ASAH2: variants seen among roughly 807,000 people sequenced by gnomAD.
The protein encoded by ASAH2 is N-acylsphingosine amidohydrolase 2.
In ASAH2, 58 loss-of-function variants were observed where a neutral mutation model predicts 82.9. That is an observed-to-expected ratio of 0.70 (90% CI 0.57 to 0.87). The LOEUF (loss-of-function observed/expected upper bound fraction) is 0.87, where lower values mean the gene tolerates loss of function less well. Ranked by LOEUF, ASAH2 falls within the 40% of genes least tolerant of loss-of-function variation. The pLI is 0.00. For missense variants in ASAH2, 779 were observed against 834.0 expected, an observed-to-expected ratio of 0.93 and a Z score of 0.81; for synonymous variants, 276 against 289.7, an observed-to-expected ratio of 0.95 and a Z score of 0.48.
rs1459515597 is a variant in ASAH2, at chr10:50,205,036, C to T, written c.1531-81G>A. The T allele has an allele frequency of 3.3e-6, 3 of 920,366 alleles. No homozygotes were observed. The African/African-American group carries it at 5.1e-5, about 16-fold the overall frequency. 57.0% of individuals were successfully genotyped at this position (920,366 alleles called of 1,614,324 possible). ...CAGACATATAGTGGTCCCAGAATTT[C>T]CTCTAGTTTCTAATTTATGATGTAG... On this transcript the variant is annotated intron_variant, in intron 13 of 20. Transcript: ENST00000682911.
At chr10:50,222,623 A>G (rs1392232072) in intron 7 of ASAH2, among the ~76,000 whole-genome samples, 1 of 152,158 alleles carries the variant, frequency 6.6e-6, no homozygotes, top group African/African-American at 2.4e-5. Context: ...CAGAAAATAA[A>G]CTGAACTTTT....
chr10:50,221,156 G>A (rs1401933846), intron 7 of ASAH2, among the ~76,000 whole-genome samples: 3 of 152,126 alleles, frequency 2.0e-5, no homozygotes. Context: ...TTTGCAAGGT[G>A]TTTACATTTA....
chr10:50,209,495 G>A (rs1437352165), intron 12 of ASAH2, among the ~76,000 whole-genome samples: 5 of 151,150 alleles, frequency 3.3e-5, no homozygotes, highest in Admixed American at 1.3e-4. Flanking sequence ...GACTACAGGC[G>A]TGCACCACCA....
intron 16 of ASAH2, among the ~76,000 whole-genome samples, chr10:50,201,249 C>T (rs1043483184): frequency 1.3e-5 from 2 of 152,044 alleles, no homozygotes; most frequent in Non-Finnish European, 1.5e-5. Flanking sequence ...TGTCTATTTG[C>T]AACCTGATTC....
At chr10:50,229,678 C>A (rs1408288862) in intron 7 of ASAH2, among the ~76,000 whole-genome samples, 1 of 152,176 alleles carries the variant, frequency 6.6e-6, no homozygotes, top group Non-Finnish European at 1.5e-5. Flanking sequence ...GACCTCTGCA[C>A]TCCAGCCACA....
At position 50,248,422 on chromosome 10, in the gene ASAH2, C is replaced by T. The variant is rs878859007; in HGVS notation, c.127+62G>A. ...ACACTGTTTTTCTCTTTGGTGTCCA[C>T]AGTAATCAAGAAGTTTCATACAGGC... On this transcript the variant is annotated intron_variant, in intron 2 of 20. Coordinates refer to ENST00000682911, the MANE Select transcript of ASAH2 (RefSeq NM_019893.4). 45 of 1,584,048 alleles carry T rather than the reference C, an allele frequency of 2.8e-5. No homozygotes were observed. The South Asian group carries it at 4.8e-4, about 17-fold the overall frequency.
intron 18 of ASAH2, among the ~76,000 whole-genome samples, chr10:50,195,804 A>G (rs1844961779): frequency 6.6e-6 from 1 of 151,886 alleles, no homozygotes; most frequent in Admixed American, 6.6e-5. Context: ...AGAAAGATAA[A>G]TACCACATGA....
chr10:50,223,070 T>C (rs964650674), intron 7 of ASAH2, among the ~76,000 whole-genome samples: 4 of 152,172 alleles, frequency 2.6e-5, no homozygotes, highest in South Asian at 2.1e-4. Context: ...AGTCAAGAGA[T>C]TGGGGACCTT....
At chr10:50,213,159 A>G (rs1845506261) in intron 9 of ASAH2, 101 bp from the exon 10 acceptor site, 1 of 1,084,318 alleles carries the variant, frequency 9.2e-7, no homozygotes, top group Non-Finnish European at 1.4e-6. Flanking sequence ...TTTTAAAACC[A>G]CATTCTTGCA....
chr10:50,217,301 C>T (rs1249905228), intron 8 of ASAH2, among the ~76,000 whole-genome samples: 2 of 148,924 alleles, frequency 1.3e-5, no homozygotes, highest in Non-Finnish European at 3.0e-5. Flanking sequence ...GATCTTGGCT[C>T]ACTACAACCT....
Position 50,202,889 on chromosome 10 carries a change from A to G in ASAH2, c.1701T>C (p.Val567=). ...FASHGMQNMT[V]VISGLCNVYT... is the part of the protein sequence containing the mutation. The stretch of plus-strand genomic sequence containing the variant: ...AGACGTTGCATAGACCTGAAATAAC[A>G]ACAGTCATGTTCTGCATCCCATGAG... Residue 567 remains valine (V), a synonymous_variant, in exon 16 of 21, where the codon GTT becomes GTC. Coordinates refer to ENST00000682911, the MANE Select transcript of ASAH2 (RefSeq NM_019893.4). 2 of 1,612,200 alleles carry G rather than the reference A, an allele frequency of 1.2e-6. No individual in the cohort carries two copies. Among genetic ancestry groups the G allele is most frequent in the East Asian group, 4.5e-5 (2 of 44,784 alleles).
intron 7 of ASAH2, among the ~76,000 whole-genome samples, chr10:50,223,354 C>T (rs1386327075): frequency 6.6e-6 from 1 of 152,058 alleles, no homozygotes; most frequent in East Asian, 1.9e-4. Flanking sequence ...CAAGCTGTGC[C>T]CTGTACAAAG....
At chr10:50,199,330 C>T (rs1329339064) in intron 16 of ASAH2, among the ~76,000 whole-genome samples, 184 bp from the exon 17 acceptor site, 1 of 151,890 alleles carries the variant, frequency 6.6e-6, no homozygotes, top group Non-Finnish European at 1.5e-5. Flanking sequence ...TAAGTGACTC[C>T]TATGGACTAC....
Position 50,195,006 on chromosome 10 carries a change from C to A in ASAH2, c.2004+1767G>T, listed in dbSNP as rs1440929246. On this transcript the variant is annotated intron_variant, in intron 18 of 20. Coordinates refer to ENST00000682911, the MANE Select transcript of ASAH2 (RefSeq NM_019893.4). Reference sequence around the variant, plus strand: ...CGATGTTTTTTTTTTTTTAATATGACCCCTAATGCAAAAGCAACAAAAGCA... The same window carrying A: ...CGATGTTTTTTTTTTTTTAATATGAACCCTAATGCAAAAGCAACAAAAGCA... Among the ~76,000 whole-genome samples, 11 of 148,562 alleles carry A rather than the reference C, an allele frequency of 7.4e-5. No homozygotes were observed. The East Asian group carries it at 9.8e-4, about 13-fold the overall frequency.
chr10:50,233,705 C>T (rs1406831359), intron 6 of ASAH2, among the ~76,000 whole-genome samples: 1 of 152,006 alleles, frequency 6.6e-6, no homozygotes, highest in Admixed American at 6.6e-5. Flanking sequence ...TTCTAAAAAT[C>T]ATCTCCTTTG....
chr10:50,220,209 T>C (rs1293319173), intron 7 of ASAH2, among the ~76,000 whole-genome samples: 4 of 152,084 alleles, frequency 2.6e-5, no homozygotes, highest in Middle Eastern at 3.4e-3. Context: ...AGAAATTAAT[T>C]TTAATTTTGT....
At chr10:50,230,471 T>G (rs1845994378) in intron 7 of ASAH2, among the ~76,000 whole-genome samples, 1 of 152,146 alleles carries the variant, frequency 6.6e-6, no homozygotes, top group Non-Finnish European at 1.5e-5. Flanking sequence ...CACATTTGAC[T>G]TTATATTTTG....
chr10:50,215,256 G>A (rs923369019), intron 8 of ASAH2, among the ~76,000 whole-genome samples: 2,771 of 152,074 alleles, frequency 0.018, 80 homozygotes, highest in African/African-American at 0.063. Context: ...AAGGTGTAAG[G>A]AAGGGGTCCA....
At chr10:50,248,676 G>A in intron 1 of ASAH2, 30 bp from the exon 2 acceptor site, 1 of 1,533,134 alleles carries the variant, frequency 6.5e-7, no homozygotes, top group Admixed American at 1.9e-5. Flanking sequence ...AAATTAAAAT[G>A]CAAATGCTTT....
Sources: gnomAD v4.1 joint callset for allele counts (sites outside exome capture counted in the v4.1 genomes callset) on GRCh38, gnomAD v4.1.1 for gene constraint, MANE v1.5 for transcripts, NCBI Gene and HGNC (gene_info 2026-07-23, HGNC 2026-07-21) for gene names.